BMP2K: variants seen among roughly 807,000 people sequenced by gnomAD.
The protein encoded by BMP2K is BMP-2-inducible protein kinase.
BMP2K carries 74 observed loss-of-function variants against 116.0 expected under a neutral mutation model. The ratio of observed to expected loss-of-function variants is 0.64; its 90% CI spans 0.53 to 0.77. The LOEUF (loss-of-function observed/expected upper bound fraction) is 0.77, where lower values mean the gene tolerates loss of function less well. Ranked by LOEUF, BMP2K falls within the 30% of genes least tolerant of loss-of-function variation. The pLI is 0.00. For synonymous variants in BMP2K, 486 were observed against 502.5 expected (o/e 0.97, Z 0.44); for missense variants, 1,365 against 1,403.6 (o/e 0.97, Z 0.44).
At chr4:78,837,935 GC>G (rs1577914080) in intron 3 of BMP2K, among the ~76,000 whole-genome samples, 1 of 152,288 alleles carries the variant, frequency 6.6e-6, no homozygotes, top group South Asian at 2.1e-4. Flanking sequence ...AACCAGTGTG[GC>G]CAGCTAATGT....
chr4:78,843,732 T>C (rs1374360102), intron 4 of BMP2K, among the ~76,000 whole-genome samples: 1 of 152,006 alleles, frequency 6.6e-6, no homozygotes, highest in East Asian at 1.9e-4. Flanking sequence ...GTTAGTTCTT[T>C]TGAATATGCA....
chr4:78,849,594 G>A (rs886957660), intron 6 of BMP2K, among the ~76,000 whole-genome samples: 1 of 151,462 alleles, frequency 6.6e-6, no homozygotes, highest in African/African-American at 2.4e-5. Context: ...ACCATTAATA[G>A]CATTTTTTTT....
chr4:78,826,480 G>A (rs1266292352), intron 2 of BMP2K, among the ~76,000 whole-genome samples: 1 of 152,158 alleles, frequency 6.6e-6, no homozygotes, highest in Non-Finnish European at 1.5e-5. Flanking sequence ...TGGGATTACA[G>A]GTGTGAGCCA....
chr4:78,862,746 T>C (rs1731855729), intron 9 of BMP2K, among the ~76,000 whole-genome samples: 1 of 152,132 alleles, frequency 6.6e-6, no homozygotes, highest in Non-Finnish European at 1.5e-5. Context: ...TGACTTATTT[T>C]AAAAAATGGT....
At chr4:78,810,729 C>T (rs565737098) in intron 1 of BMP2K, among the ~76,000 whole-genome samples, 2 of 152,264 alleles carry the variant, frequency 1.3e-5, no homozygotes, top group South Asian at 4.1e-4. Context: ...TGAAGGCTAT[C>T]ATGGAGCTGG....
intron 15 of BMP2K, among the ~76,000 whole-genome samples, chr4:78,909,607 C>G (rs957345853): frequency 6.6e-6 from 1 of 152,100 alleles, no homozygotes; most frequent in Non-Finnish European, 1.5e-5. Flanking sequence ...TATGCCATTG[C>G]TTTTATTGGA....
chr4:78,782,573 CTG>C (rs1307783176), intron 1 of BMP2K, among the ~76,000 whole-genome samples: 1 of 152,100 alleles, frequency 6.6e-6, no homozygotes, highest in Non-Finnish European at 1.5e-5. Context: ...CCAGAGGACT[CTG>C]TGTTTTCTAG....
chr4:78,841,265 G>A (rs1730745440), intron 3 of BMP2K, among the ~76,000 whole-genome samples: 1 of 152,220 alleles, frequency 6.6e-6, no homozygotes, highest in Admixed American at 6.5e-5. Context: ...CCTTGTTAAA[G>A]GAAAGTTGCA....
rs1734683525 is a variant in BMP2K, at chr4:78,912,321, G to A, written c.*288G>A. 2 of 323,826 alleles carry A rather than the reference G, an allele frequency of 6.2e-6. No homozygotes were observed. The highest frequency in any genetic ancestry group is 9.0e-5 in the Admixed American group (2 of 22,308). The allele number at this position is 323,826 out of a possible 1,614,324, so 20.1% of individuals were successfully genotyped here. On this transcript the variant is annotated 3_prime_UTR_variant, in exon 16 of 16. Transcript: ENST00000502613. ...TGTGGTACTTCCAGTGAAAGCACATGGCACCTTTCTAGGTGTGTAGCCACT... is the reference window on the plus strand; with the variant it reads ...TGTGGTACTTCCAGTGAAAGCACATAGCACCTTTCTAGGTGTGTAGCCACT...
chr4:78,824,455 T>C (rs28681074), intron 1 of BMP2K, among the ~76,000 whole-genome samples: 12,222 of 152,106 alleles, frequency 0.08, 1,251 homozygotes, highest in African/African-American at 0.25. Flanking sequence ...GCAGGGCAAA[T>C]CCCATTTATA....
chr4:78,906,069 T>C (rs536090375), intron 15 of BMP2K: 1 of 152,264 alleles, frequency 6.6e-6, no homozygotes, highest in South Asian at 2.1e-4. Flanking sequence ...TCATGATGAA[T>C]AGATGATTAA....
intron 1 of BMP2K, among the ~76,000 whole-genome samples, chr4:78,823,489 G>A (rs1729721968): frequency 6.8e-6 from 1 of 146,506 alleles, no homozygotes; most frequent in South Asian, 2.1e-4. Context: ...TATATATATA[G>A]TTTTGTATAT....
chr4:78,793,134 G>A (rs544409049), intron 1 of BMP2K, among the ~76,000 whole-genome samples: 11 of 152,066 alleles, frequency 7.2e-5, no homozygotes, highest in East Asian at 1.9e-4. Flanking sequence ...TATGTAGGCC[G>A]GGTGCGGTGG....
At chr4:78,867,282 G>C (rs1444130579) in intron 10 of BMP2K, among the ~76,000 whole-genome samples, 4 of 152,212 alleles carry the variant, frequency 2.6e-5, no homozygotes, top group Non-Finnish European at 5.9e-5. Context: ...AGTAGCTAAA[G>C]ATGTTGAGGC....
intron 1 of BMP2K, among the ~76,000 whole-genome samples, chr4:78,783,283 C>A (rs896000722): frequency 2.6e-5 from 4 of 152,068 alleles, no homozygotes; most frequent in African/African-American, 9.7e-5. Flanking sequence ...TTATTTGCAA[C>A]AAAGGACACT....
intron 2 of BMP2K, among the ~76,000 whole-genome samples, chr4:78,832,517 A>G (rs755268345): frequency 6.6e-6 from 1 of 152,086 alleles, no homozygotes; most frequent in Non-Finnish European, 1.5e-5. Flanking sequence ...AGACTTTGGC[A>G]TTTACTTTTG....
intron 15 of BMP2K, among the ~76,000 whole-genome samples, chr4:78,891,439 G>A (rs78273774): frequency 2.0e-5 from 3 of 152,116 alleles, no homozygotes; most frequent in East Asian, 3.8e-4. Context: ...TTTTCTTGCT[G>A]TATATGCTTT....
intron 1 of BMP2K, among the ~76,000 whole-genome samples, chr4:78,791,819 A>T (rs1358132789): frequency 1.3e-5 from 2 of 151,436 alleles, no homozygotes; most frequent in Non-Finnish European, 2.9e-5. Flanking sequence ...ACTCAATTGT[A>T]TGTATATATC....
chr4:78,799,280 A>T (rs900558853), intron 1 of BMP2K, among the ~76,000 whole-genome samples: 1 of 152,082 alleles, frequency 6.6e-6, no homozygotes, highest in Non-Finnish European at 1.5e-5. Flanking sequence ...TGAGAATATC[A>T]TGAAAGTTCT....
Sources: allele counts gnomAD v4.1 joint callset (sites outside exome capture counted in the v4.1 genomes callset), GRCh38; gene constraint gnomAD v4.1.1; transcripts MANE v1.5; gene names NCBI Gene and HGNC (gene_info 2026-07-23, HGNC 2026-07-21).